GRID2: variants seen among roughly 807,000 people sequenced by gnomAD.
GRID2 encodes the protein glutamate ionotropic receptor delta type subunit 2, also known as glutamate receptor ionotropic, delta-2.
A neutral mutation model predicts 114.8 loss-of-function variants in GRID2; 33 were observed. The observed-to-expected ratio is 0.29, with a 90% CI of 0.22 to 0.38. The LOEUF is 0.38. Among genes scored for constraint, GRID2 ranks in the 10% least tolerant of loss-of-function variants. The pLI is 1.00. For synonymous variants in GRID2, 505 were observed against 449.9 expected (o/e 1.12, Z -1.55); for missense variants, 1,184 against 1,257.7 (o/e 0.94, Z 0.89).
At chr4:92,698,835 A>G (rs1560539136) in intron 2 of GRID2, among the ~76,000 whole-genome samples, 1 of 152,166 alleles carries the variant, frequency 6.6e-6, no homozygotes, top group Non-Finnish European at 1.5e-5. Context: ...ATCTATTAAA[A>G]GACAAAAAGT....
chr4:92,657,935 A>C (rs1358581578), intron 2 of GRID2, among the ~76,000 whole-genome samples: 1 of 131,458 alleles, frequency 7.6e-6, no homozygotes, highest in Non-Finnish European at 1.7e-5. Context: ...TGTGAAATAC[A>C]GTGGTAGGAG....
At chr4:93,747,563 GGACACTTTGT>G in intron 14 of GRID2, among the ~76,000 whole-genome samples, 1 of 152,110 alleles carries the variant, frequency 6.6e-6, no homozygotes, top group African/African-American at 2.4e-5. Context: ...ATGTAATGGG[GGACACTTTGT>G]GAAAAGTCAG....
chr4:93,623,792 C>G (rs1742433128), intron 13 of GRID2, among the ~76,000 whole-genome samples: 1 of 152,078 alleles, frequency 6.6e-6, no homozygotes, highest in Non-Finnish European at 1.5e-5. Flanking sequence ...ACTTGGTATT[C>G]TAAGTCTCTG....
chr4:93,453,907 A>AATC (rs1560635269), intron 10 of GRID2, among the ~76,000 whole-genome samples: 1 of 152,032 alleles, frequency 6.6e-6, no homozygotes, highest in Non-Finnish European at 1.5e-5. Context: ...TCATCATTAA[A>AATC]ATCAAGATAA....
chr4:92,653,796 G>A (rs926717628), intron 2 of GRID2, among the ~76,000 whole-genome samples: 1 of 152,050 alleles, frequency 6.6e-6, no homozygotes, highest in Non-Finnish European at 1.5e-5. Flanking sequence ...AAAATTATCA[G>A]TGTGGGCTCA....
At chr4:93,071,912 T>C (rs959844397) in intron 2 of GRID2, among the ~76,000 whole-genome samples, 18 of 152,322 alleles carry the variant, frequency 1.2e-4, no homozygotes, top group African/African-American at 3.8e-4. Flanking sequence ...GCACTCTTTC[T>C]AATCAAAACT....
At chr4:93,534,994 A>G (rs184269844) in intron 13 of GRID2, among the ~76,000 whole-genome samples, 476 of 151,992 alleles carry the variant, frequency 3.1e-3, no homozygotes, top group African/African-American at 0.011. Context: ...AAATATGTTG[A>G]TCCTTTGACC....
At chr4:93,138,392 T>C (rs764269637) in intron 4 of GRID2, among the ~76,000 whole-genome samples, 1 of 152,206 alleles carries the variant, frequency 6.6e-6, no homozygotes, top group Non-Finnish European at 1.5e-5. Context: ...CCTTGTGCTC[T>C]ATTACTTATG....
chr4:93,732,626 C>A (rs1236630552), intron 14 of GRID2, among the ~76,000 whole-genome samples: 1 of 151,936 alleles, frequency 6.6e-6, no homozygotes, highest in Admixed American at 6.6e-5. Context: ...GTTAAAATGG[C>A]TGAGGCTCTT....
At chr4:93,245,244 CA>C (rs1291748816) in intron 8 of GRID2, among the ~76,000 whole-genome samples, 1 of 152,012 alleles carries the variant, frequency 6.6e-6, no homozygotes, top group Non-Finnish European at 1.5e-5. Context: ...CTAATGAATA[CA>C]TGTGCATACT....
intron 4 of GRID2, among the ~76,000 whole-genome samples, chr4:93,200,374 G>T (rs907478813): frequency 6.6e-6 from 1 of 152,030 alleles, no homozygotes; most frequent in Non-Finnish European, 1.5e-5. Context: ...AGACCATCCT[G>T]GCTAACACGG....
At chr4:93,078,992 G>A (rs922066723) in intron 2 of GRID2, among the ~76,000 whole-genome samples, 2 of 149,434 alleles carry the variant, frequency 1.3e-5, no homozygotes, top group African/African-American at 2.4e-5. Flanking sequence ...CAAAAAATAT[G>A]TGTTCCAGCC....
intron 1 of GRID2, among the ~76,000 whole-genome samples, chr4:92,463,145 T>A (rs931143222): frequency 6.6e-6 from 1 of 151,934 alleles, no homozygotes; most frequent in African/African-American, 2.4e-5. Context: ...CTAAAATATG[T>A]AACTAGTTAG....
intron 13 of GRID2, among the ~76,000 whole-genome samples, chr4:93,556,002 C>T (rs1734282441): frequency 2.0e-5 from 3 of 152,268 alleles, no homozygotes; most frequent in South Asian, 4.1e-4. Context: ...TCCAGCAGAC[C>T]TGCAGCAGAA....
intron 13 of GRID2, among the ~76,000 whole-genome samples, chr4:93,593,575 G>T (rs1209156312): frequency 4.1e-5 from 6 of 148,090 alleles, no homozygotes; most frequent in Non-Finnish European, 8.9e-5. Context: ...GGCGTTCTCT[G>T]TATTTCCTGA....
chr4:93,283,048 T>C (rs980816383), intron 8 of GRID2, among the ~76,000 whole-genome samples: 8 of 152,006 alleles, frequency 5.3e-5, no homozygotes, highest in Non-Finnish European at 7.4e-5. Flanking sequence ...ATCTCCAACA[T>C]TGGGAATCAC....
At position 92,802,982 on chromosome 4, in the gene GRID2, C is replaced by T. The variant is rs146620598; in HGVS notation, c.244+212696C>T. ...TCATATGAGAAAACCCAAGATTGCC[C>T]TCACAGATCTAAGAGATAGGATAGA... On this transcript the variant is annotated intron_variant, in intron 2 of 15. Coordinates refer to ENST00000282020, the MANE Select transcript of GRID2 (RefSeq NM_001510.4). Among the ~76,000 whole-genome samples, 446 of 151,998 alleles carry T rather than the reference C, an allele frequency of 2.9e-3. 1 individual carries two copies. Among genetic ancestry groups the T allele is most frequent in the African/African-American group, 0.01 (432 of 41,510 alleles).
intron 4 of GRID2, among the ~76,000 whole-genome samples, chr4:93,135,637 G>T (rs900173850): frequency 1.3e-5 from 2 of 152,138 alleles, no homozygotes; most frequent in African/African-American, 4.8e-5. Flanking sequence ...ATGAGCAGAT[G>T]TTGCTATTGT....
chr4:93,693,951 T>A (rs1459480894), intron 14 of GRID2, among the ~76,000 whole-genome samples: 4 of 152,146 alleles, frequency 2.6e-5, no homozygotes, highest in Admixed American at 2.6e-4. Flanking sequence ...AGACAGGAAA[T>A]GTGATTGTAA....
Sources: allele counts gnomAD v4.1 joint callset (sites outside exome capture counted in the v4.1 genomes callset), GRCh38; gene constraint gnomAD v4.1.1; transcripts MANE v1.5; gene names NCBI Gene and HGNC (gene_info 2026-07-23, HGNC 2026-07-21).